The following PPM1L variants were observed in gnomAD, a reference collection of about 807,000 sequenced individuals.
The protein encoded by PPM1L is protein phosphatase 1L.
PPM1L carries 13 observed loss-of-function variants against 31.4 expected under a neutral mutation model. The ratio of observed to expected loss-of-function variants is 0.41; its 90% CI spans 0.27 to 0.66. The LOEUF is 0.66. Ranked by LOEUF, PPM1L falls within the 30% of genes least tolerant of loss-of-function variation. PPM1L has a pLI of 0.29. For synonymous variants in PPM1L, 184 were observed against 175.4 expected (o/e 1.05, Z -0.39); for missense variants, 326 against 453.7 (o/e 0.72, Z 2.56).
At chr3:160,984,507 A>T (rs901021777) in intron 2 of PPM1L, among the ~76,000 whole-genome samples, 18 of 152,196 alleles carry the variant, frequency 1.2e-4, no homozygotes, top group African/African-American at 4.3e-4. Context: ...TCCTGAGGCG[A>T]CATACATCCT....
At chr3:160,926,185 T>C (rs1714580234) in intron 1 of PPM1L, among the ~76,000 whole-genome samples, 2 of 152,208 alleles carry the variant, frequency 1.3e-5, no homozygotes, top group African/African-American at 4.8e-5. Flanking sequence ...TCTTTTTCTC[T>C]GTGGATTCAT....
At chr3:160,849,414 TC>T (rs1714188843) in intron 1 of PPM1L, among the ~76,000 whole-genome samples, 1 of 150,622 alleles carries the variant, frequency 6.6e-6, no homozygotes, top group African/African-American at 2.5e-5. Flanking sequence ...TTTCTTTCTT[TC>T]TTTCTTTTTT....
At chr3:160,960,556 TTTTGTGTG>T (rs1308830468) in intron 1 of PPM1L, among the ~76,000 whole-genome samples, 4 of 100,146 alleles carry the variant, frequency 4.0e-5, no homozygotes, top group African/African-American at 1.4e-4. Context: ...TTTTTAGCAG[TTTTGTGTG>T]TGTGTGTGTG....
At chr3:160,883,796 G>C (rs1293885512) in intron 1 of PPM1L, among the ~76,000 whole-genome samples, 1 of 141,836 alleles carries the variant, frequency 7.1e-6, no homozygotes, top group Non-Finnish European at 1.5e-5. Flanking sequence ...TCTTAGACAA[G>C]TTGCTCCATT....
chr3:160,792,393 T>C (rs1023489721), intron 1 of PPM1L, among the ~76,000 whole-genome samples: 3 of 152,122 alleles, frequency 2.0e-5, no homozygotes, highest in African/African-American at 7.2e-5. Flanking sequence ...CAGATAAAGG[T>C]GTATTTTTTA....
chr3:160,799,583 CTCTT>C (rs1712363248), intron 1 of PPM1L, among the ~76,000 whole-genome samples: 1 of 152,096 alleles, frequency 6.6e-6, no homozygotes. Context: ...TTGTGTGACT[CTCTT>C]TATTGTGATA....
At chr3:161,004,352 C>T (rs1478461318) in intron 2 of PPM1L, among the ~76,000 whole-genome samples, 4 of 123,160 alleles carry the variant, frequency 3.2e-5, no homozygotes, top group Non-Finnish European at 3.4e-5. Context: ...ATGCTGGCCT[C>T]ATAAAATGAG....
At chr3:160,937,547 G>A (rs1576726104) in intron 1 of PPM1L, among the ~76,000 whole-genome samples, 1 of 152,232 alleles carries the variant, frequency 6.6e-6, no homozygotes, top group East Asian at 1.9e-4. Flanking sequence ...ATGAACCCAG[G>A]AGGCTGAGCT....
intron 2 of PPM1L, among the ~76,000 whole-genome samples, chr3:160,988,439 T>C (rs951310815): frequency 6.6e-6 from 1 of 152,234 alleles, no homozygotes; most frequent in African/African-American, 2.4e-5. Flanking sequence ...AATCAGATTT[T>C]CTTGGCTTTT....
chr3:160,761,758 T>A (rs982609429), intron 1 of PPM1L, among the ~76,000 whole-genome samples: 1 of 152,206 alleles, frequency 6.6e-6, no homozygotes, highest in Admixed American at 6.5e-5. Context: ...GACTTATAGT[T>A]CCACGTGGCT....
intron 1 of PPM1L, among the ~76,000 whole-genome samples, chr3:160,949,932 G>T (rs776178450): frequency 3.3e-5 from 5 of 152,106 alleles, no homozygotes. Flanking sequence ...TACTGAATTT[G>T]TTCTTTATTT....
intron 1 of PPM1L, among the ~76,000 whole-genome samples, chr3:160,805,878 T>G (rs1712584951): frequency 1.3e-5 from 2 of 152,184 alleles, no homozygotes; most frequent in South Asian, 4.1e-4. Flanking sequence ...TTTAAAAACC[T>G]GTAAGTTTCA....
At chr3:161,036,489 G>A (rs1718744775) in intron 2 of PPM1L, among the ~76,000 whole-genome samples, 1 of 152,216 alleles carries the variant, frequency 6.6e-6, no homozygotes, top group South Asian at 2.1e-4. Context: ...TTATGTGAAT[G>A]AGTGTTTGTA....
intron 1 of PPM1L, among the ~76,000 whole-genome samples, chr3:160,945,870 G>A (rs1715390729): frequency 6.6e-6 from 1 of 152,020 alleles, no homozygotes; most frequent in Admixed American, 6.6e-5. Context: ...TTTTCCTTAT[G>A]ATTTTCTTAA....
rs943639337 is a variant in PPM1L, at chr3:161,074,844, T to G, written c.*5687T>G. On this transcript the variant is annotated 3_prime_UTR_variant, in exon 4 of 4. Coordinates refer to ENST00000498165, the MANE Select transcript of PPM1L (RefSeq NM_139245.4). ...CAAATCATCACAGACAGTTTCCCTG[T>G]TCAAAGCTCCACCAAAAAGCAAGCA... 1 of 152,170 alleles carries G rather than the reference T, an allele frequency of 6.6e-6. No individual in the cohort carries two copies. Among genetic ancestry groups the G allele is most frequent in the Non-Finnish European group, 1.5e-5 (1 of 68,040 alleles). 9.4% of individuals were successfully genotyped at this position (152,170 alleles called of 1,614,324 possible). A position where few individuals can be genotyped will look rare whatever the true frequency, so the allele number is the denominator to read the frequency against.
At position 161,075,315 on chromosome 3, in the gene PPM1L, A is replaced by G. The variant is rs1445523293; in HGVS notation, c.*6158A>G. 6.6e-6 allele frequency: 1 copy of G among 152,226 alleles called. No homozygotes were observed. The highest frequency in any genetic ancestry group is 2.4e-5 in the African/African-American group (1 of 41,452). 9.4% of individuals were successfully genotyped at this position (152,226 alleles called of 1,614,324 possible). On this transcript the variant is annotated 3_prime_UTR_variant, in exon 4 of 4. Transcript: ENST00000498165. ...GGATACCCAGACATTAAAAATGTAA[A>G]AAGTAGCTTATAAGAAATGTGGATT...
chr3:160,779,795 G>A (rs1403012208), intron 1 of PPM1L, among the ~76,000 whole-genome samples: 1 of 151,858 alleles, frequency 6.6e-6, no homozygotes, highest in Non-Finnish European at 1.5e-5. Flanking sequence ...GCCTCCCAAA[G>A]TGCTGGGATT....
chr3:160,822,638 A>G (rs1054001772), intron 1 of PPM1L, among the ~76,000 whole-genome samples: 2 of 152,140 alleles, frequency 1.3e-5, no homozygotes, highest in Non-Finnish European at 1.5e-5. Flanking sequence ...GTAAGTATAC[A>G]TGAGCGATAT....
chr3:160,907,834 G>T (rs1028743786), intron 1 of PPM1L, among the ~76,000 whole-genome samples: 1 of 152,130 alleles, frequency 6.6e-6, no homozygotes. Context: ...GAATGCAGCC[G>T]CTGCTTGTGG....
Sources: allele counts gnomAD v4.1 joint callset (sites outside exome capture counted in the v4.1 genomes callset), GRCh38; gene constraint gnomAD v4.1.1; transcripts MANE v1.5; gene names NCBI Gene and HGNC (gene_info 2026-07-23, HGNC 2026-07-21).